The following SPAG16 variants were observed in gnomAD, a reference collection of about 807,000 sequenced individuals.
SPAG16 encodes the protein sperm associated antigen 16, also known as sperm-associated antigen 16 protein.
SPAG16 carries 86 observed loss-of-function variants against 80.4 expected under a neutral mutation model. The ratio of observed to expected loss-of-function variants is 1.07; its 90% CI spans 0.90 to 1.28. SPAG16 has a LOEUF of 1.28. Ranked by LOEUF, SPAG16 falls within the 50% of genes most tolerant of loss-of-function variation. The pLI is 0.00. For synonymous variants in SPAG16, 294 were observed against 265.9 expected (o/e 1.11, Z -1.03); for missense variants, 870 against 765.3 (o/e 1.14, Z -1.61).
chr2:213,663,956 C>T (rs2125193166), intron 10 of SPAG16, among the ~76,000 whole-genome samples: 1 of 152,190 alleles, frequency 6.6e-6, no homozygotes, highest in African/African-American at 2.4e-5. Flanking sequence ...TTTAAAACAG[C>T]ACAAATTTAT....
intron 10 of SPAG16, among the ~76,000 whole-genome samples, chr2:213,762,136 T>C (rs1050298722): frequency 6.6e-6 from 1 of 152,126 alleles, no homozygotes. Flanking sequence ...GAAAAAGTAT[T>C]TGACAAAATG....
intron 13 of SPAG16, among the ~76,000 whole-genome samples, chr2:214,063,790 CTTTA>C (rs1381824192): frequency 1.3e-5 from 2 of 152,096 alleles, no homozygotes. Flanking sequence ...TGCCAGATTA[CTTTA>C]TTTAATGTAT....
At chr2:213,505,832 G>A (rs2074946257) in intron 10 of SPAG16, among the ~76,000 whole-genome samples, 1 of 151,970 alleles carries the variant, frequency 6.6e-6, no homozygotes, top group Non-Finnish European at 1.5e-5. Context: ...AGACTATTCT[G>A]AAACTTGCTT....
At chr2:213,849,514 G>A (rs1025736209) in intron 10 of SPAG16, among the ~76,000 whole-genome samples, 2 of 152,012 alleles carry the variant, frequency 1.3e-5, no homozygotes, top group African/African-American at 4.8e-5. Flanking sequence ...TTATAAAATA[G>A]ATACAAAAAA....
intron 9 of SPAG16, among the ~76,000 whole-genome samples, chr2:213,425,802 T>C (rs2069879276): frequency 6.6e-6 from 1 of 152,194 alleles, no homozygotes; most frequent in Non-Finnish European, 1.5e-5. Flanking sequence ...AATTAAAAAT[T>C]TTATTTCACA....
At chr2:214,367,802 T>C (rs1699572375) in intron 15 of SPAG16, among the ~76,000 whole-genome samples, 1 of 152,144 alleles carries the variant, frequency 6.6e-6, no homozygotes, top group South Asian at 2.1e-4. Flanking sequence ...ATCACCCAGC[T>C]CCACTTTTTT....
intron 15 of SPAG16, among the ~76,000 whole-genome samples, chr2:214,380,029 A>C (rs1056205247): frequency 6.6e-6 from 1 of 152,126 alleles, no homozygotes; most frequent in African/African-American, 2.4e-5. Context: ...TACACACTGC[A>C]TTCTTAGTTC....
At chr2:214,102,763 A>G (rs1170441781) in intron 13 of SPAG16, among the ~76,000 whole-genome samples, 1 of 148,466 alleles carries the variant, frequency 6.7e-6, no homozygotes, top group African/African-American at 2.5e-5. Flanking sequence ...ACTGAGGGGC[A>G]TAAAGCAGAA....
intron 10 of SPAG16, among the ~76,000 whole-genome samples, chr2:213,850,402 C>T (rs2074841929): frequency 6.6e-6 from 1 of 152,112 alleles, no homozygotes; most frequent in Non-Finnish European, 1.5e-5. Flanking sequence ...AGCTAAAATC[C>T]AGGGAAAACT....
At chr2:213,601,281 A>G (rs138604494) in intron 10 of SPAG16, among the ~76,000 whole-genome samples, 3 of 152,340 alleles carry the variant, frequency 2.0e-5, no homozygotes, top group African/African-American at 4.8e-5. Flanking sequence ...AGGGAATTTC[A>G]GAGACCAACT....
chr2:214,014,001 T>A lies in SPAG16; in HGVS notation c.1451T>A (p.Ile484Asn), dbSNP rs1216301084. Residue 484 changes from isoleucine (I) to asparagine (N), a missense_variant, in exon 13 of 16, where the codon ATT becomes AAT. Transcript: ENST00000331683. ...LYGHTDSVNS[I>N]EFFPFSNTLL... ...GGACATACAGATTCTGTGAACAGCA[T>A]TGAGTTTTTTCCTTTCTCCAATACT... The A allele has an allele frequency of 6.2e-7, 1 of 1,613,636 alleles. No homozygotes were observed. The highest frequency in any genetic ancestry group is 8.5e-7 in the Non-Finnish European group (1 of 1,179,760).
intron 10 of SPAG16, among the ~76,000 whole-genome samples, chr2:213,632,371 G>A (rs112346450): frequency 0.019 from 2,956 of 152,008 alleles, 44 homozygotes; most frequent in Middle Eastern, 0.051. Context: ...GTTTTCTTGT[G>A]GAATCTTTAG....
intron 15 of SPAG16, among the ~76,000 whole-genome samples, chr2:214,172,531 T>C (rs1403438086): frequency 2.0e-5 from 3 of 152,162 alleles, no homozygotes; most frequent in Admixed American, 6.6e-5. Context: ...TCCAAGTCTT[T>C]GCTGTTGTGA....
chr2:213,572,522 T>TG (rs1358962403), intron 10 of SPAG16, among the ~76,000 whole-genome samples: 1 of 151,914 alleles, frequency 6.6e-6, no homozygotes, highest in Admixed American at 6.6e-5. Flanking sequence ...ATGCCCCTGC[T>TG]GGGGGGTGCC....
chr2:214,008,190 T>A (rs78129182), intron 12 of SPAG16, among the ~76,000 whole-genome samples: 3,803 of 152,246 alleles, frequency 0.025, 160 homozygotes, highest in African/African-American at 0.087. Context: ...AATTTCACAT[T>A]TACTTATCCA....
At chr2:213,719,849 A>G (rs1300377281) in intron 10 of SPAG16, among the ~76,000 whole-genome samples, 1 of 152,204 alleles carries the variant, frequency 6.6e-6, no homozygotes, top group East Asian at 1.9e-4. Context: ...ATATACCCAA[A>G]GGATTATAAA....
intron 9 of SPAG16, among the ~76,000 whole-genome samples, chr2:213,452,006 G>A (rs1024719562): frequency 1.3e-5 from 2 of 150,558 alleles, no homozygotes; most frequent in East Asian, 2.0e-4. Flanking sequence ...ATCTTTGTGT[G>A]CTTAAAGAAA....
At chr2:213,840,446 A>G in intron 10 of SPAG16, among the ~76,000 whole-genome samples, 1 of 152,194 alleles carries the variant, frequency 6.6e-6, no homozygotes, top group East Asian at 1.9e-4. Flanking sequence ...TTGCTATAGA[A>G]ATCATTTAAA....
chr2:213,657,383 C>T (rs951891608), intron 10 of SPAG16, among the ~76,000 whole-genome samples: 27 of 152,070 alleles, frequency 1.8e-4, no homozygotes, highest in African/African-American at 4.6e-4. Context: ...ACATAAGAAG[C>T]GCTCCTTGAG....
Sources: gnomAD v4.1 joint callset for allele counts (sites outside exome capture counted in the v4.1 genomes callset) on GRCh38, gnomAD v4.1.1 for gene constraint, MANE v1.5 for transcripts, NCBI Gene and HGNC (gene_info 2026-07-23, HGNC 2026-07-21) for gene names.